Variants in ABHD12 observed in about 807,000 individuals in gnomAD.
ABHD12 encodes abhydrolase domain containing 12, lysophospholipase.
In ABHD12, 43 loss-of-function variants were observed where a neutral mutation model predicts 58.3. That is an observed-to-expected ratio of 0.74 (90% CI 0.58 to 0.95). ABHD12 has a LOEUF of 0.95. ABHD12 is among the 40% of genes least tolerant of loss of function. The pLI is 0.00. For missense variants in ABHD12, 539 were observed against 537.2 expected, an observed-to-expected ratio of 1.00 and a Z score of -0.03; for synonymous variants, 219 against 211.2, an observed-to-expected ratio of 1.04 and a Z score of -0.32.
chr20:25,320,084 A>C, intron 4 of ABHD12, 115 bp downstream of exon 4: 3 of 1,491,570 alleles, frequency 2.0e-6, no homozygotes, highest in Non-Finnish European at 1.8e-6. Flanking sequence ...CAGTACACCC[A>C]ATTTTGTGGG....
downstream of ABHD12, chr20:25,295,735 A>T (rs998592761): frequency 3.3e-6 from 5 of 1,498,066 alleles, no homozygotes; most frequent in Admixed American, 3.3e-5. Flanking sequence ...GTGTTGGGTC[A>T]GATTGTTTAT....
intron 2 of ABHD12, among the ~76,000 whole-genome samples, chr20:25,325,754 G>A (rs1022993259): frequency 6.6e-6 from 1 of 152,138 alleles, no homozygotes; most frequent in Non-Finnish European, 1.5e-5. Flanking sequence ...CAGTTTGCAG[G>A]TTTGTTTGAG....
chr20:25,354,014 T>A (rs1023147452), intron 1 of ABHD12, among the ~76,000 whole-genome samples: 1 of 152,156 alleles, frequency 6.6e-6, no homozygotes, highest in South Asian at 2.1e-4. Context: ...GTGGTCTTTG[T>A]ATAAACCCAA....
At chr20:25,388,570 G>A (rs2090125662) in intron 1 of ABHD12, among the ~76,000 whole-genome samples, 1 of 152,122 alleles carries the variant, frequency 6.6e-6, no homozygotes, top group Admixed American at 6.6e-5. Flanking sequence ...TGGGAAGGAA[G>A]ACAACCTAAC....
chr20:25,308,597 A>G, intron 7 of ABHD12, 103 bp from the exon 8 acceptor site: 2 of 1,388,174 alleles, frequency 1.4e-6, no homozygotes, highest in Non-Finnish European at 2.0e-6. Flanking sequence ...GGGTCTGTGA[A>G]GCTACTGGAG....
intron 1 of ABHD12, among the ~76,000 whole-genome samples, chr20:25,350,260 A>G (rs2089580354): frequency 6.6e-6 from 1 of 152,248 alleles, no homozygotes; most frequent in Admixed American, 6.5e-5. Flanking sequence ...ATAAGGCAAG[A>G]GAAAATACAA....
In ABHD12 at chr20:25,360,227, CTTTTTTTTTTTTTT is replaced by C. The variant is rs576215687; in HGVS notation, c.192-20890_192-20877del. 7.1e-3 allele frequency among the ~76,000 whole-genome samples: 265 copies of C among 37,420 alleles called. 3 individuals carry two copies. The highest frequency in any genetic ancestry group is 0.038 in the Middle Eastern group (1 of 26). The allele number at this position is 37,420 out of a possible 152,430, so 24.5% of individuals were successfully genotyped here. ...TTAAATTGCCACCTTGAACACGTTA[CTTTTTTTTTTTTTT>C]TTTTTTTTTTTTTTTTTGAGATGGA... On this transcript the variant is annotated intron_variant, in intron 1 of 12. Transcript: ENST00000339157.
intron 10 of ABHD12, among the ~76,000 whole-genome samples, chr20:25,306,352 T>C (rs2088741249): frequency 6.6e-6 from 1 of 152,202 alleles, no homozygotes; most frequent in Non-Finnish European, 1.5e-5. Context: ...TCTGTTACAG[T>C]TCTTTACTTG....
Position 25,335,625 on chromosome 20 carries a change from C to A in ABHD12, c.316+3602G>T, listed in dbSNP as rs866369693. On this transcript the variant is annotated intron_variant, in intron 2 of 12. Transcript: ENST00000339157. ...ATATACACCATGGAATACTATGCAG[C>A]CATAAAAAATGATGAGTTCATGTCC... is the stretch of plus-strand genomic sequence containing the variant. Among the ~76,000 whole-genome samples, 30 of 140,450 alleles carry A rather than the reference C, an allele frequency of 2.1e-4. 1 individual carries two copies. In the East Asian group the frequency reaches 5.3e-3, roughly 25 times the overall value. 92.1% of individuals were successfully genotyped at this position (140,450 alleles called of 152,430 possible).
chr20:25,336,142 A>C (rs2089364608), intron 2 of ABHD12, among the ~76,000 whole-genome samples: 1 of 152,114 alleles, frequency 6.6e-6, no homozygotes, highest in Non-Finnish European at 1.5e-5. Context: ...TCATCCAAAC[A>C]TCTTTTGGAT....
At chr20:25,296,654 A>G (rs188832447), downstream of ABHD12, 726 of 1,239,532 alleles carry the variant, frequency 5.9e-4, no homozygotes, top group Admixed American at 1.1e-3. Flanking sequence ...AGGAGGGGCC[A>G]TGGGGGTCAG....
At chr20:25,335,962 A>C (rs1470606760) in intron 2 of ABHD12, among the ~76,000 whole-genome samples, 7 of 149,744 alleles carry the variant, frequency 4.7e-5, no homozygotes, top group Admixed American at 2.6e-4. Context: ...TATAATAATA[A>C]TAAATAAAAA....
At chr20:25,343,882 CA>C (rs538127109) in intron 1 of ABHD12, among the ~76,000 whole-genome samples, 90 of 152,226 alleles carry the variant, frequency 5.9e-4, no homozygotes, top group Middle Eastern at 3.4e-3. Context: ...AAAATATTAG[CA>C]AAGCAAATCC....
Position 25,308,020 on chromosome 20 carries a change from C to T in ABHD12, c.813G>A (p.Leu271=). Reference sequence around the variant, plus strand: ...CGCGGATATTAGTGAATGGAGATTCCAATATAAGGGCATCTGGAGGCGTCT... The same window carrying T: ...CGCGGATATTAGTGAATGGAGATTCTAATATAAGGGCATCTGGAGGCGTCT... The part of the protein sequence containing the change: ...ERETPPDALI[L]ESPFTNIREE... Residue 271 remains leucine, a synonymous_variant, in exon 9 of 13, where the codon TTG becomes TTA. Coordinates refer to ENST00000339157, the MANE Select transcript of ABHD12 (RefSeq NM_001042472.3). 1 of 1,609,016 alleles carries T rather than the reference C, an allele frequency of 6.2e-7. No homozygotes were observed. Among genetic ancestry groups the T allele is most frequent in the Non-Finnish European group, 8.5e-7 (1 of 1,175,480 alleles).
intron 11 of ABHD12, among the ~76,000 whole-genome samples, chr20:25,302,786 G>C (rs2088661753): frequency 6.6e-6 from 1 of 152,170 alleles, no homozygotes; most frequent in South Asian, 2.1e-4. Flanking sequence ...TGCGCTGCTG[G>C]GCGGCTCTGC....
chr20:25,312,763 G>C (rs1256840994), intron 6 of ABHD12, among the ~76,000 whole-genome samples: 1 of 151,244 alleles, frequency 6.6e-6, no homozygotes, highest in African/African-American at 2.4e-5. Context: ...CCCATCGTCT[G>C]AGATGTGGGG....
chr20:25,305,455 C>A (rs533212171), intron 10 of ABHD12, among the ~76,000 whole-genome samples: 2 of 151,514 alleles, frequency 1.3e-5, no homozygotes, highest in Non-Finnish European at 2.9e-5. Flanking sequence ...CTCTGCCTCC[C>A]GGGTTCAAGC....
At chr20:25,313,873 A>G (rs2088911198) in intron 6 of ABHD12, among the ~76,000 whole-genome samples, 2 of 152,336 alleles carry the variant, frequency 1.3e-5, no homozygotes, top group Admixed American at 1.3e-4. Flanking sequence ...TGTCCTTGGT[A>G]TATATCAAAC....
chr20:25,319,251 A>G (rs2089021407), intron 4 of ABHD12, among the ~76,000 whole-genome samples: 1 of 152,182 alleles, frequency 6.6e-6, no homozygotes, highest in Admixed American at 6.5e-5. Flanking sequence ...CAGCAATCAC[A>G]TGGTGTGGAA....
Sources: gnomAD v4.1 joint callset for allele counts (sites outside exome capture counted in the v4.1 genomes callset) on GRCh38, gnomAD v4.1.1 for gene constraint, MANE v1.5 for transcripts, NCBI Gene and HGNC (gene_info 2026-07-23, HGNC 2026-07-21) for gene names.